Variants in ROR2 observed in about 807,000 individuals in gnomAD.
ROR2 encodes the protein ROR family WNT receptor 2, also known as tyrosine-protein kinase transmembrane receptor ROR2.
In ROR2, 33 loss-of-function variants were observed where a neutral mutation model predicts 74.9. That is an observed-to-expected ratio of 0.44 (90% CI 0.33 to 0.59). The LOEUF (loss-of-function observed/expected upper bound fraction) is 0.59, where lower values mean the gene tolerates loss of function less well. Among genes scored for constraint, ROR2 ranks in the 20% least tolerant of loss-of-function variants. The pLI, the probability that ROR2 is intolerant of heterozygous loss-of-function variation, is 0.02. For synonymous variants in ROR2, 586 were observed against 558.7 expected (o/e 1.05, Z -0.69); for missense variants, 1,216 against 1,313.8 (o/e 0.93, Z 1.15).
intron 3 of ROR2, among the ~76,000 whole-genome samples, chr9:91,756,408 G>A (rs890618548): frequency 3.9e-5 from 6 of 152,184 alleles, no homozygotes; most frequent in African/African-American, 7.2e-5. Flanking sequence ...CGTGGGCTTC[G>A]GTGGCAGGGC....
chr9:91,889,303 G>A (rs544528332), intron 1 of ROR2, among the ~76,000 whole-genome samples: 2 of 152,284 alleles, frequency 1.3e-5, no homozygotes, highest in Admixed American at 6.5e-5. Flanking sequence ...CAGGGCCCCA[G>A]GCACACAACG....
intron 1 of ROR2, among the ~76,000 whole-genome samples, chr9:91,776,557 T>C (rs142628888): frequency 2.0e-4 from 31 of 152,226 alleles, no homozygotes; most frequent in African/African-American, 6.7e-4. Flanking sequence ...TCCTCAACAA[T>C]AGGTAAACCA....
At chr9:91,897,485 C>T (rs1055748388) in intron 1 of ROR2, among the ~76,000 whole-genome samples, 6 of 151,738 alleles carry the variant, frequency 4.0e-5, no homozygotes, top group African/African-American at 1.5e-4. Context: ...GTACAACCTT[C>T]CATGGCTTTA....
At chr9:91,862,501 C>T (rs1020559839) in intron 1 of ROR2, among the ~76,000 whole-genome samples, 4 of 151,744 alleles carry the variant, frequency 2.6e-5, no homozygotes, top group African/African-American at 9.7e-5. Context: ...CTACAGAAGA[C>T]ACATGTAAAA....
chr9:91,906,774 T>C (rs1236848150), intron 1 of ROR2, among the ~76,000 whole-genome samples: 1 of 152,182 alleles, frequency 6.6e-6, no homozygotes, highest in Non-Finnish European at 1.5e-5. Context: ...TGCTACATAG[T>C]TCTGCACCAC....
At chr9:91,925,497 T>C (rs1046663279) in intron 1 of ROR2, among the ~76,000 whole-genome samples, 4 of 144,184 alleles carry the variant, frequency 2.8e-5, no homozygotes, top group African/African-American at 1.0e-4. Flanking sequence ...TGTGTGTGTG[T>C]GCAGCATGCA....
intron 1 of ROR2, among the ~76,000 whole-genome samples, chr9:91,857,562 C>A (rs925883771): frequency 6.6e-6 from 1 of 152,218 alleles, no homozygotes; most frequent in Non-Finnish European, 1.5e-5. Context: ...AAATCCAGGG[C>A]CTGTGTGCAG....
intron 2 of ROR2, among the ~76,000 whole-genome samples, chr9:91,767,556 T>A (rs1446365810): frequency 6.6e-6 from 1 of 152,218 alleles, no homozygotes; most frequent in Non-Finnish European, 1.5e-5. Flanking sequence ...ACAAATTTCC[T>A]GGAAGGGCAC....
intron 1 of ROR2, among the ~76,000 whole-genome samples, chr9:91,790,056 A>G (rs1826920663): frequency 6.6e-6 from 1 of 152,250 alleles, no homozygotes; most frequent in Admixed American, 6.5e-5. Context: ...CATGTGCTCC[A>G]TAACTAAGAA....
chr9:91,850,052 G>A (rs760676536), intron 1 of ROR2, among the ~76,000 whole-genome samples: 4 of 152,032 alleles, frequency 2.6e-5, no homozygotes, highest in Non-Finnish European at 5.9e-5. Context: ...CGACTTCTCT[G>A]TGCCCTGAGC....
chr9:91,942,113 C>G (rs1404078909), intron 1 of ROR2, among the ~76,000 whole-genome samples: 2 of 152,182 alleles, frequency 1.3e-5, no homozygotes, highest in African/African-American at 4.8e-5. Context: ...CAAGCTGGAC[C>G]TGGCCTGCCC....
intron 1 of ROR2, among the ~76,000 whole-genome samples, chr9:91,916,463 C>A (rs1831138492): frequency 6.6e-6 from 1 of 152,218 alleles, no homozygotes; most frequent in Non-Finnish European, 1.5e-5. Context: ...AAACCCTGGG[C>A]TCCCACCCTG....
At chr9:91,778,322 C>T (rs1017631115) in intron 1 of ROR2, among the ~76,000 whole-genome samples, 2 of 152,254 alleles carry the variant, frequency 1.3e-5, no homozygotes, top group African/African-American at 2.4e-5. Flanking sequence ...CCTCACAACA[C>T]CACAACTTGC....
At chr9:91,937,353 GA>G (rs1429812290) in intron 1 of ROR2, among the ~76,000 whole-genome samples, 8 of 152,142 alleles carry the variant, frequency 5.3e-5, no homozygotes, top group African/African-American at 1.9e-4. Flanking sequence ...CCCTCGTGGG[GA>G]GTCTGCAAAC....
intron 4 of ROR2, among the ~76,000 whole-genome samples, chr9:91,740,868 C>G (rs1825211949): frequency 1.3e-5 from 2 of 152,056 alleles, no homozygotes; most frequent in African/African-American, 2.4e-5. Context: ...GCTGGTGGAG[C>G]ATCCACGTTT....
intron 1 of ROR2, among the ~76,000 whole-genome samples, chr9:91,947,894 T>C (rs563945145): frequency 6.6e-6 from 1 of 152,194 alleles, no homozygotes; most frequent in African/African-American, 2.4e-5. Context: ...TTTATTATTA[T>C]TTTGAATAAA....
At chr9:91,904,023 A>AT (rs1247580099) in intron 1 of ROR2, among the ~76,000 whole-genome samples, 4 of 145,584 alleles carry the variant, frequency 2.7e-5, no homozygotes, top group Non-Finnish European at 4.5e-5. Context: ...CTTTTTTTTG[A>AT]TTTTTTGTTT....
At chr9:91,748,291 G>T (rs1241920150) in intron 4 of ROR2, among the ~76,000 whole-genome samples, 1 of 147,012 alleles carries the variant, frequency 6.8e-6, no homozygotes, top group Non-Finnish European at 1.5e-5. Flanking sequence ...AAAAAAAAAT[G>T]CCAAAGAGAA....
At chr9:91,826,019 C>T (rs751906924) in intron 1 of ROR2, among the ~76,000 whole-genome samples, 6 of 152,236 alleles carry the variant, frequency 3.9e-5, no homozygotes, top group Non-Finnish European at 8.8e-5. Context: ...CTTCGCCCCC[C>T]TGCCTGCTGG....
Sources: allele counts gnomAD v4.1 joint callset (sites outside exome capture counted in the v4.1 genomes callset), GRCh38; gene constraint gnomAD v4.1.1; transcripts MANE v1.5; gene names NCBI Gene and HGNC (gene_info 2026-07-23, HGNC 2026-07-21).